Variants in SNAP47 observed in about 807,000 individuals in gnomAD.
The protein encoded by SNAP47 is synaptosome associated protein 47.
A neutral mutation model predicts 31.4 loss-of-function variants in SNAP47; 20 were observed. That is an observed-to-expected ratio of 0.64 (90% CI 0.45 to 0.93). The LOEUF is 0.93. SNAP47 is among the 40% of genes least tolerant of loss of function. SNAP47 has a pLI of 0.00. For missense variants in SNAP47, 492 were observed against 528.5 expected, an observed-to-expected ratio of 0.93 and a Z score of 0.68; for synonymous variants, 194 against 213.4, an observed-to-expected ratio of 0.91 and a Z score of 0.79.
intron 2 of SNAP47, among the ~76,000 whole-genome samples, chr1:227,758,184 G>A (rs575261689): frequency 6.6e-6 from 1 of 152,328 alleles, no homozygotes; most frequent in Admixed American, 6.5e-5. Context: ...GGGCATGACC[G>A]AGAAGGAATG....
rs956193628 is a variant in SNAP47, at chr1:227,741,465, C to A, written c.-46+5966C>A. On this transcript the variant is annotated intron_variant, in intron 1 of 4. Transcript: ENST00000617596. The surrounding 1 kb of genome is among the most constrained non-coding windows in gnomAD (Gnocchi z 4.2). Reference sequence around the variant, plus strand: ...GCTACCACATTTTTGTAAGTGAGGTCCTGTGGGGTGGCACACCCCATGTTG... The same window carrying A: ...GCTACCACATTTTTGTAAGTGAGGTACTGTGGGGTGGCACACCCCATGTTG... 2.0e-5 allele frequency among the ~76,000 whole-genome samples: 3 copies of A among 152,116 alleles called. No homozygotes were observed. The highest frequency in any genetic ancestry group is 4.8e-5 in the African/African-American group (2 of 41,402).
At chr1:227,767,133 C>T (rs567491167) in intron 4 of SNAP47, 50 bp downstream of exon 4, 20 of 1,605,472 alleles carry the variant, frequency 1.2e-5, no homozygotes, top group Non-Finnish European at 1.5e-5. Flanking sequence ...CCAGTCTTCC[C>T]GCAGGCTGCT....
At chr1:227,735,162 C>T (rs763102204), upstream of SNAP47, 38 of 1,579,324 alleles carry the variant, frequency 2.4e-5, no homozygotes, top group African/African-American at 4.1e-5. Context: ...TAGGAGAAGG[C>T]GCCCGGCTCC....
chr1:227,778,879 G>A (rs977400585), intron 4 of SNAP47, among the ~76,000 whole-genome samples: 1 of 152,212 alleles, frequency 6.6e-6, no homozygotes, highest in African/African-American at 2.4e-5. Context: ...TCCCGAGGGT[G>A]TAGAAGCCCT....
At chr1:227,750,942 G>T (rs532802878) in intron 2 of SNAP47, among the ~76,000 whole-genome samples, 5 of 152,304 alleles carry the variant, frequency 3.3e-5, no homozygotes, top group Non-Finnish European at 7.4e-5. Flanking sequence ...CAAGGCACAC[G>T]ATTATCCATG....
upstream of SNAP47, chr1:227,732,135 G>A (rs921386128): frequency 4.4e-5 from 25 of 569,400 alleles, no homozygotes; most frequent in Non-Finnish European, 6.3e-5. Context: ...GCCCCCAAAA[G>A]AGCCAGGTCC....
At chr1:227,766,852 G>A (rs1663436596) in intron 3 of SNAP47, 107 bp from the exon 4 acceptor site, 10 of 1,492,538 alleles carry the variant, frequency 6.7e-6, no homozygotes, top group Non-Finnish European at 9.1e-6. Flanking sequence ...CCTGCGTGTG[G>A]TGGCGGGAGG....
intron 1 of SNAP47, among the ~76,000 whole-genome samples, chr1:227,743,580 G>C (rs1170812972): frequency 6.6e-6 from 1 of 152,228 alleles, no homozygotes; most frequent in Non-Finnish European, 1.5e-5. Context: ...GGCCTTGCAG[G>C]CTCTTCTAGA....
chr1:227,733,856 CG>C, upstream of SNAP47: 2 of 1,607,980 alleles, frequency 1.2e-6, no homozygotes, highest in Non-Finnish European at 1.7e-6. Context: ...CCTCCCAGTC[CG>C]TTCTGTCACC....
In SNAP47 at chr1:227,762,002, G is replaced by C. The variant is rs970930913; in HGVS notation, c.988+2517G>C. ...TGGCGTCACCCTCCCTGCTCGGCTA[G>C]GAGGGCCCCCTTAGTTCAGGTCACC... On this transcript the variant is annotated intron_variant, in intron 3 of 4. Transcript: ENST00000617596. The surrounding 1 kb of genome is among the most constrained non-coding windows in gnomAD (Gnocchi z 4.2). Among the ~76,000 whole-genome samples the C allele has an allele frequency of 5.3e-4, 80 of 152,224 alleles. No homozygotes were observed. The highest frequency in any genetic ancestry group is 1.6e-3 in the African/African-American group (67 of 41,538).
chr1:227,758,391 A>T (rs551363138), intron 2 of SNAP47, among the ~76,000 whole-genome samples: 1 of 152,300 alleles, frequency 6.6e-6, no homozygotes, highest in East Asian at 1.9e-4. Flanking sequence ...CTAGACTCCA[A>T]TCCCAGCAGA....
chr1:227,773,118 G>A (rs1420217964), intron 4 of SNAP47, among the ~76,000 whole-genome samples: 7 of 147,934 alleles, frequency 4.7e-5, no homozygotes, highest in Middle Eastern at 3.5e-3. Context: ...GCACCACCAC[G>A]TCCAGCTAAT....
chr1:227,729,167 G>T (rs1437667084), intron 1 of SNAP47, among the ~76,000 whole-genome samples: 1 of 152,228 alleles, frequency 6.6e-6, no homozygotes, highest in African/African-American at 2.4e-5. Flanking sequence ...CTGTTTTCCT[G>T]TAGGTCAGAG....
chr1:227,728,944 A>T (rs1048629177), intron 1 of SNAP47, among the ~76,000 whole-genome samples: 1 of 150,730 alleles, frequency 6.6e-6, no homozygotes, highest in East Asian at 2.0e-4. Flanking sequence ...CACGCAGGGG[A>T]GGGGGGCGGC....
intron 2 of SNAP47, among the ~76,000 whole-genome samples, chr1:227,755,520 G>C (rs943803056): frequency 1.3e-5 from 2 of 152,120 alleles, no homozygotes; most frequent in Non-Finnish European, 2.9e-5. Context: ...CTGAGTAGCT[G>C]GGATAACAGG....
At chr1:227,732,565 C>G, upstream of SNAP47, 1 of 1,613,508 alleles carries the variant, frequency 6.2e-7, no homozygotes, top group Non-Finnish European at 8.5e-7. Flanking sequence ...CCCAACCCAG[C>G]ACCGTCCTCA....
At chr1:227,748,596 G>T (rs183810853) in intron 2 of SNAP47, among the ~76,000 whole-genome samples, 1 of 152,240 alleles carries the variant, frequency 6.6e-6, no homozygotes, top group Non-Finnish European at 1.5e-5. Context: ...CTCCTATGTG[G>T]TGATGGGGAC....
intron 1 of SNAP47, among the ~76,000 whole-genome samples, chr1:227,729,205 G>C (rs752222965): frequency 2.6e-5 from 4 of 152,312 alleles, no homozygotes; most frequent in Admixed American, 6.5e-5. Flanking sequence ...ACTGGGGCCT[G>C]TGGAAGGGGA....
In SNAP47 at chr1:227,748,087, C is replaced by A. The variant is rs769708950; in HGVS notation, c.351C>A (p.Thr117=). The A allele has an allele frequency of 6.2e-7, 1 of 1,614,090 alleles. No individual in the cohort carries two copies. Among genetic ancestry groups the A allele is most frequent in the Non-Finnish European group, 8.5e-7 (1 of 1,180,026 alleles). ...GAVADASVPR[T]RGEELTGLMA... is the part of the protein sequence containing the mutation. ...TGGCAGACGCATCTGTCCCAAGGAC[C>A]CGGGGCGAGGAGCTGACGGGACTCA... The change falls in exon 2 of 5, where the codon ACC becomes ACA. Residue 117 remains threonine (T), a synonymous_variant. Transcript: ENST00000617596.
Sources: allele counts gnomAD v4.1 joint callset (sites outside exome capture counted in the v4.1 genomes callset), GRCh38; gene constraint gnomAD v4.1.1; non-coding constraint Gnocchi (gnomAD v3.1); transcripts MANE v1.5; gene names NCBI Gene and HGNC (gene_info 2026-07-23, HGNC 2026-07-21).